Variants in SYNE1 observed in about 807,000 individuals in gnomAD.
The protein encoded by SYNE1 is nesprin-1.
In SYNE1, 616 loss-of-function variants were observed where a neutral mutation model predicts 1,111.0. The ratio of observed to expected loss-of-function variants is 0.55; its 90% CI spans 0.52 to 0.59. The LOEUF (loss-of-function observed/expected upper bound fraction) is 0.59. Ranked by LOEUF, SYNE1 falls within the 20% of genes least tolerant of loss-of-function variation. SYNE1 has a pLI of 0.00. For missense variants in SYNE1, 10,006 were observed against 10,417.0 expected, an observed-to-expected ratio of 0.96 and a Z score of 1.72; for synonymous variants, 3,855 against 3,825.8, an observed-to-expected ratio of 1.01 and a Z score of -0.28.
rs780396166 is a variant in SYNE1, at chr6:152,309,887, T to C, written c.17150A>G (p.Glu5717Gly). Reference sequence around the variant, plus strand: ...GGTGTGCTGCAGCCGGCTGGCCTCTTCCTGCAGCCGCAGAGCAGCATGACA... The same window carrying C: ...GGTGTGCTGCAGCCGGCTGGCCTCTCCCTGCAGCCGCAGAGCAGCATGACA... ...PLCHAALRLQ[E>G]EASRLQHTAI... Residue 5717 changes from glutamate (E) to glycine (G), a missense_variant, in exon 90 of 146, where the codon GAA (glutamate) becomes GGA (glycine). This residue lies in a region of SYNE1 where 4,955 missense variants were observed against 5,017.2 expected (regional missense o/e 0.99). Coordinates refer to ENST00000367255, the MANE Select transcript of SYNE1 (RefSeq NM_182961.4). 4.3e-6 allele frequency: 7 copies of C among 1,613,982 alleles called. No homozygotes were observed. Among genetic ancestry groups the C allele is most frequent in the Non-Finnish European group, 5.9e-6 (7 of 1,180,040 alleles).
Position 152,234,781 on chromosome 6 carries a change from C to A in SYNE1, c.20416G>T (p.Asp6806Tyr). The A allele has an allele frequency of 6.2e-7, 1 of 1,614,148 alleles. No individual in the cohort carries two copies. Among genetic ancestry groups the A allele is most frequent in the Non-Finnish European group, 8.5e-7 (1 of 1,180,020 alleles). The change falls in exon 111 of 146, where the codon GAT (aspartate) becomes TAT (tyrosine). Residue 6806 changes from aspartate to tyrosine, a missense_variant. This residue lies in a region of SYNE1 where 2,182 missense variants were observed against 2,287.8 expected (regional missense o/e 0.95). Transcript: ENST00000367255. ...HWTRYQSESA[D>Y]LIHWLQSAKD... is the part of the protein sequence containing the mutation. ...GCAGATTGTAACCAGTGAATTAGAT[C>A]TGCAGATTCACTTTGATATCTGTTA...
chr6:152,345,500 T>C (rs1429469176), intron 73 of SYNE1, among the ~76,000 whole-genome samples: 2 of 152,200 alleles, frequency 1.3e-5, no homozygotes, highest in African/African-American at 4.8e-5. Flanking sequence ...ATTTTTTTTA[T>C]TATTATGGTG....
intron 98 of SYNE1, among the ~76,000 whole-genome samples, chr6:152,270,096 C>T (rs1291164873): frequency 6.6e-6 from 1 of 152,134 alleles, no homozygotes; most frequent in African/African-American, 2.4e-5. Context: ...CTGTGTAAAC[C>T]TTCTGTGTCT....
chr6:152,584,672 G>A (rs2099531622), intron 3 of SYNE1, among the ~76,000 whole-genome samples: 1 of 152,062 alleles, frequency 6.6e-6, no homozygotes, highest in Non-Finnish European at 1.5e-5. Flanking sequence ...CAAAATGCTG[G>A]GGTTACAGGC....
At chr6:152,304,587 G>A (rs1233238755) in intron 91 of SYNE1, among the ~76,000 whole-genome samples, 1 of 152,120 alleles carries the variant, frequency 6.6e-6, no homozygotes, top group Non-Finnish European at 1.5e-5. Flanking sequence ...GCCTCCCAAA[G>A]TGCTGAGATT....
At chr6:152,226,312 C>T (rs928278772) in intron 115 of SYNE1, among the ~76,000 whole-genome samples, 24 of 115,656 alleles carry the variant, frequency 2.1e-4, no homozygotes, top group Non-Finnish European at 4.0e-4. Context: ...AGTCACATTT[C>T]TACTACTCAC....
At chr6:152,472,160 T>C (rs1453456193) in intron 15 of SYNE1, 141 bp downstream of exon 15, 2 of 693,466 alleles carry the variant, frequency 2.9e-6, no homozygotes, top group Admixed American at 2.8e-5. Flanking sequence ...ATTCTTAGCA[T>C]GTCTTATGGG....
At chr6:152,279,887 C>G (rs2093924825) in intron 97 of SYNE1, among the ~76,000 whole-genome samples, 1 of 151,942 alleles carries the variant, frequency 6.6e-6, no homozygotes, top group African/African-American at 2.4e-5. Context: ...ACAGCAAGTA[C>G]AGTGCTGAGG....
chr6:152,617,550 G>A (rs1036405266), intron 3 of SYNE1, among the ~76,000 whole-genome samples: 1 of 152,122 alleles, frequency 6.6e-6, no homozygotes, highest in East Asian at 1.9e-4. Flanking sequence ...ATGTATGATT[G>A]AATAAACTAA....
At chr6:152,479,236 A>G (rs900863214) in intron 14 of SYNE1, among the ~76,000 whole-genome samples, 3 of 152,126 alleles carry the variant, frequency 2.0e-5, no homozygotes, top group Non-Finnish European at 4.4e-5. Context: ...TGGGAGGATC[A>G]TCTCTAGGTT....
At chr6:152,485,522 T>A (rs953591034) in intron 12 of SYNE1, among the ~76,000 whole-genome samples, 1 of 152,218 alleles carries the variant, frequency 6.6e-6, no homozygotes, top group Non-Finnish European at 1.5e-5. Context: ...TACATGATAA[T>A]CCTTTGCTTT....
Position 152,401,155 on chromosome 6 carries a change from C to T in SYNE1, c.7012G>A (p.Ala2338Thr), listed in dbSNP as rs2097809203. The change falls in exon 47 of 146, where the codon GCA (alanine) becomes ACA (threonine). Residue 2338 changes from alanine to threonine, a missense_variant. Transcript: ENST00000367255. ...MNCAQNETCE[A>T]LKKVKDIQKE... is the part of the protein sequence containing the mutation. Reference sequence around the variant, plus strand: ...TTACCTACCTTGACTTTTTTCAATGCTTCACAAGTCTCATTTTGGGCACAG... The same window carrying T: ...TTACCTACCTTGACTTTTTTCAATGTTTCACAAGTCTCATTTTGGGCACAG... The T allele has an allele frequency of 6.2e-7, 1 of 1,614,026 alleles. No individual in the cohort carries two copies. Among genetic ancestry groups the T allele is most frequent in the Non-Finnish European group, 8.5e-7 (1 of 1,179,990 alleles).
At chr6:152,186,152 C>T (rs551650512) in intron 128 of SYNE1, among the ~76,000 whole-genome samples, 68 of 152,254 alleles carry the variant, frequency 4.5e-4, no homozygotes, top group African/African-American at 1.4e-3. Context: ...CACATAATGG[C>T]ACAACCAAAA....
intron 106 of SYNE1, 97 bp from the exon 107 acceptor site, chr6:152,242,537 C>G (rs2085982169): frequency 1.5e-6 from 2 of 1,345,144 alleles, no homozygotes; most frequent in South Asian, 2.4e-5. Flanking sequence ...GAGACCCAAC[C>G]AAGAAAATGC....
At position 152,220,927 on chromosome 6, in the gene SYNE1, T is replaced by C. The variant is rs745914452; in HGVS notation, c.21776A>G (p.Glu7259Gly). 5 of 1,614,192 alleles carry C rather than the reference T, an allele frequency of 3.1e-6. No individual in the cohort carries two copies. The South Asian group carries it at 5.5e-5, about 18-fold the overall frequency. Reference protein sequence around the residue: ...KQCASTVQQQEDRTNELLKAA... With the variant: ...KQCASTVQQQGDRTNELLKAA... ...CTTCAACAGCTCATTGGTTCGATCCTCCTGCTGCTGAACTGTCGAAGCACA... is the reference window on the plus strand; with the variant it reads ...CTTCAACAGCTCATTGGTTCGATCCCCCTGCTGCTGAACTGTCGAAGCACA... Residue 7259 changes from glutamate (E) to glycine (G), a missense_variant, in exon 119 of 146, where the codon GAG becomes GGG. By Grantham distance (98) the Glu-to-Gly change is moderately conservative (BLOSUM62 -2). This residue lies in a region of SYNE1 where 2,182 missense variants were observed against 2,287.8 expected (regional missense o/e 0.95). Coordinates refer to ENST00000367255, the MANE Select transcript of SYNE1 (RefSeq NM_182961.4).
At chr6:152,501,175 T>A (rs745460528) in intron 10 of SYNE1, among the ~76,000 whole-genome samples, 1 of 152,086 alleles carries the variant, frequency 6.6e-6, no homozygotes, top group Non-Finnish European at 1.5e-5. Flanking sequence ...GAGCAACTTC[T>A]AATTAATTTA....
At chr6:152,600,526 A>T (rs2099593658) in intron 3 of SYNE1, among the ~76,000 whole-genome samples, 1 of 152,208 alleles carries the variant, frequency 6.6e-6, no homozygotes, top group Admixed American at 6.5e-5. Flanking sequence ...AGTAGAAGCT[A>T]TGGTAACTTT....
intron 11 of SYNE1, among the ~76,000 whole-genome samples, chr6:152,498,353 A>G (rs1372421755): frequency 1.3e-5 from 2 of 152,224 alleles, no homozygotes; most frequent in Non-Finnish European, 2.9e-5. Flanking sequence ...TACCTTGTTC[A>G]TTGATTCTCT....
In SYNE1 at chr6:152,218,294, T is replaced by A. The variant is rs2153454164; in HGVS notation, c.22154A>T (p.Asp7385Val). Residue 7385 changes from aspartate (D) to valine (V), a missense_variant, in exon 121 of 146, where the codon GAC (aspartate) becomes GTC (valine). By Grantham distance (152) the Asp-to-Val change is radical. Coordinates refer to ENST00000367255, the MANE Select transcript of SYNE1 (RefSeq NM_182961.4). ...LQGQDPSHSS[D>V]LSTIQERMEE... Reference sequence around the variant, plus strand: ...CATCCTTTCCTGGATTGTGGAGAGGTCAGATGAGTGGCTAGGGTCCTGCCC... The same window carrying A: ...CATCCTTTCCTGGATTGTGGAGAGGACAGATGAGTGGCTAGGGTCCTGCCC... 6.2e-7 allele frequency: 1 copy of A among 1,614,028 alleles called. No individual in the cohort carries two copies. Among genetic ancestry groups the A allele is most frequent in the Non-Finnish European group, 8.5e-7 (1 of 1,179,978 alleles).
Sources: gnomAD v4.1 joint callset for allele counts (sites outside exome capture counted in the v4.1 genomes callset) on GRCh38, gnomAD v4.1.1 for gene constraint, gnomAD v4.1.1 regional missense constraint, MANE v1.5 for transcripts, NCBI Gene and HGNC (gene_info 2026-07-23, HGNC 2026-07-21) for gene names.